The following MACROD2 variants were observed in gnomAD, a reference collection of about 807,000 sequenced individuals.
The protein encoded by MACROD2 is ADP-ribose glycohydrolase MACROD2.
A neutral mutation model predicts 70.4 loss-of-function variants in MACROD2; 36 were observed. The ratio of observed to expected loss-of-function variants is 0.51; its 90% confidence interval spans 0.39 to 0.68. The LOEUF is 0.68. Ranked by LOEUF, MACROD2 falls within the 30% of genes least tolerant of loss-of-function variation. The pLI is 0.00. For missense variants in MACROD2, 496 were observed against 538.4 expected, an observed-to-expected ratio of 0.92 and a Z score of 0.78; for synonymous variants, 172 against 178.8, an observed-to-expected ratio of 0.96 and a Z score of 0.30.
At chr20:14,615,641 C>G (rs1049115086) in intron 4 of MACROD2, among the ~76,000 whole-genome samples, 2 of 152,052 alleles carry the variant, frequency 1.3e-5, no homozygotes, top group African/African-American at 4.8e-5. Flanking sequence ...TCAGGCTAAG[C>G]AGCTTAGGCA....
At chr20:14,377,807 G>A (rs1287166898) in intron 3 of MACROD2, among the ~76,000 whole-genome samples, 1 of 152,100 alleles carries the variant, frequency 6.6e-6, no homozygotes, top group African/African-American at 2.4e-5. Context: ...TCACTTTTCT[G>A]TGGATCTGTG....
intron 5 of MACROD2, among the ~76,000 whole-genome samples, chr20:14,898,531 A>C (rs899574401): frequency 6.6e-6 from 1 of 152,210 alleles, no homozygotes; most frequent in Non-Finnish European, 1.5e-5. Context: ...GTTCGAGACC[A>C]GCCTGGCCAA....
intron 5 of MACROD2, among the ~76,000 whole-genome samples, chr20:14,773,019 C>T (rs1181664630): frequency 6.6e-6 from 1 of 151,970 alleles, no homozygotes; most frequent in African/African-American, 2.4e-5. Context: ...GTGGTTGTTT[C>T]AGCTTCAGCC....
At chr20:15,108,702 AT>A (rs966105625) in intron 5 of MACROD2, among the ~76,000 whole-genome samples, 9 of 152,144 alleles carry the variant, frequency 5.9e-5, no homozygotes, top group Non-Finnish European at 8.8e-5. Flanking sequence ...GAACCAGAGA[AT>A]TTTTTTGAAG....
rs559189928 is a variant in MACROD2 at position 15,509,903 on chromosome 20, A to G, written c.645+10056A>G. Reference sequence around the variant, plus strand: ...ATGCCTTTGACCATGTCTTCATAGCACAATCAGACCTGTAAGAAGGCTTAC... The same window carrying G: ...ATGCCTTTGACCATGTCTTCATAGCGCAATCAGACCTGTAAGAAGGCTTAC... On this transcript the variant is annotated intron_variant, in intron 8 of 17. Transcript: ENST00000684519. Among the ~76,000 whole-genome samples, 21 of 152,314 alleles carry G rather than the reference A, an allele frequency of 1.4e-4. No individual in the cohort carries two copies. In the South Asian group the frequency reaches 4.3e-3, roughly 32 times the overall value.
At chr20:14,134,587 A>T (rs2054765826) in intron 3 of MACROD2, among the ~76,000 whole-genome samples, 1 of 152,074 alleles carries the variant, frequency 6.6e-6, no homozygotes, top group Admixed American at 6.5e-5. Flanking sequence ...CGGACAAATC[A>T]TGAGTTCAGG....
Position 14,002,241 on chromosome 20 carries a change from T to C in MACROD2, c.47-47T>C, listed in dbSNP as rs765271472. ...ACTTAAAGTATAAAAATAATTCCCA[T>C]GTTTAAACGTTAAATACAAATGGAG... On this transcript the variant is annotated intron_variant, in intron 1 of 17. Coordinates refer to ENST00000684519, the MANE Select transcript of MACROD2 (RefSeq NM_001351661.2). The C allele has an allele frequency of 1.4e-5, 17 of 1,244,804 alleles. No individual in the cohort carries two copies. The East Asian group carries it at 3.1e-4, about 23-fold the overall frequency. The allele number at this position is 1,244,804 out of a possible 1,614,324, so 77.1% of individuals were successfully genotyped here.
chr20:14,841,707 A>G (rs1255031769), intron 5 of MACROD2, among the ~76,000 whole-genome samples: 1 of 152,102 alleles, frequency 6.6e-6, no homozygotes, highest in Non-Finnish European at 1.5e-5. Context: ...AGTTAAAATG[A>G]CATTATTATA....
rs547419154 is a variant in MACROD2 at position 15,387,565 on chromosome 20, C to CT, written c.541-43834dup. ...TCTCTCTCAATTACATCTTTCTTCT[C>CT]TTTTTTCTCCCCACTTCCTTCCATA... On this transcript the variant is annotated intron_variant, in intron 6 of 17. Transcript: ENST00000684519. Among the ~76,000 whole-genome samples, 87 of 150,786 alleles carry CT rather than the reference C, an allele frequency of 5.8e-4. No homozygotes were observed. The South Asian group carries it at 9.1e-3, about 16-fold the overall frequency.
intron 9 of MACROD2, among the ~76,000 whole-genome samples, chr20:15,865,450 G>A (rs549583413): frequency 2.0e-5 from 3 of 152,208 alleles, no homozygotes; most frequent in South Asian, 2.1e-4. Context: ...GCCAGCCACA[G>A]CATTCATTTC....
chr20:15,067,900 C>G (rs925011891), intron 5 of MACROD2, among the ~76,000 whole-genome samples: 10 of 152,138 alleles, frequency 6.6e-5, no homozygotes, highest in African/African-American at 2.2e-4. Context: ...CAGAGAATTT[C>G]AGTTAACAAA....
At chr20:15,617,602 A>G (rs973554896) in intron 8 of MACROD2, among the ~76,000 whole-genome samples, 3 of 152,240 alleles carry the variant, frequency 2.0e-5, no homozygotes, top group Admixed American at 2.0e-4. Context: ...AAGTATACAC[A>G]TCCCATATAT....
chr20:15,106,699 T>A (rs1176053348), intron 5 of MACROD2, among the ~76,000 whole-genome samples: 1 of 152,134 alleles, frequency 6.6e-6, no homozygotes, highest in Non-Finnish European at 1.5e-5. Flanking sequence ...TGATATGTCT[T>A]CTGGATAGTG....
chr20:15,114,560 T>A (rs917847246), intron 5 of MACROD2, among the ~76,000 whole-genome samples: 9 of 152,066 alleles, frequency 5.9e-5, no homozygotes, highest in African/African-American at 2.2e-4. Context: ...GGAAGAGAAC[T>A]CCAAGCTCCA....
intron 8 of MACROD2, among the ~76,000 whole-genome samples, chr20:15,694,274 C>G (rs1408179931): frequency 6.6e-6 from 1 of 152,140 alleles, no homozygotes; most frequent in East Asian, 1.9e-4. Context: ...ACTTTTAGTT[C>G]TTTAAGGAAT....
chr20:14,376,696 GCTATGATCATGCCACT>G (rs2083374166), intron 3 of MACROD2, among the ~76,000 whole-genome samples: 1 of 151,382 alleles, frequency 6.6e-6, no homozygotes, highest in South Asian at 2.1e-4. Context: ...GCTGCAATGA[GCTATGATCATGCCACT>G]GCACTCCAGC....
chr20:14,444,825 C>G (rs948958121), intron 3 of MACROD2, among the ~76,000 whole-genome samples: 3 of 151,724 alleles, frequency 2.0e-5, no homozygotes, highest in Non-Finnish European at 4.4e-5. Flanking sequence ...TCTACCATCT[C>G]TGTGTGTGTG....
At chr20:15,873,761 A>T (rs2064620934) in intron 9 of MACROD2, among the ~76,000 whole-genome samples, 1 of 152,118 alleles carries the variant, frequency 6.6e-6, no homozygotes, top group African/African-American at 2.4e-5. Context: ...AAATAGAAAG[A>T]AAAGAAGAAA....
chr20:15,363,746 G>A (rs2078379453), intron 6 of MACROD2, among the ~76,000 whole-genome samples: 1 of 152,152 alleles, frequency 6.6e-6, no homozygotes, highest in Non-Finnish European at 1.5e-5. Flanking sequence ...CTCAAATTTA[G>A]TGTAATATAA....
Sources: allele counts gnomAD v4.1 joint callset (sites outside exome capture counted in the v4.1 genomes callset), GRCh38; gene constraint gnomAD v4.1.1; transcripts MANE v1.5; gene names NCBI Gene and HGNC (gene_info 2026-07-23, HGNC 2026-07-21).